The following MAP4 variants were observed in gnomAD, a reference collection of about 807,000 sequenced individuals.
MAP4 encodes microtubule-associated protein 4.
MAP4 carries 76 observed loss-of-function variants against 170.2 expected under a neutral mutation model. The observed-to-expected ratio is 0.45, with a 90% CI of 0.37 to 0.54. The LOEUF is 0.54. MAP4 is among the 20% of genes least tolerant of loss of function. The probability of loss-of-function intolerance (pLI) is 0.00; values close to 1 mark genes in which losing one functional copy is unlikely to be tolerated. For missense variants in MAP4, 2,506 were observed against 2,748.0 expected (o/e 0.91, Z 1.97); for synonymous variants, 909 against 994.5 (o/e 0.91, Z 1.62).
At chr3:47,856,833 C>T (rs1398992107) in intron 18 of MAP4, among the ~76,000 whole-genome samples, 1 of 152,254 alleles carries the variant, frequency 6.6e-6, no homozygotes, top group Admixed American at 6.5e-5. Flanking sequence ...GTCCTACTCA[C>T]AAATCTGCTG....
At chr3:47,922,595 C>T (rs755372176) in intron 4 of MAP4, among the ~76,000 whole-genome samples, 1 of 151,656 alleles carries the variant, frequency 6.6e-6, no homozygotes, top group Non-Finnish European at 1.5e-5. Flanking sequence ...TAATTTTTCA[C>T]CTCATGTGGA....
At chr3:47,963,980 T>C (rs2100073268) in intron 3 of MAP4, among the ~76,000 whole-genome samples, 1 of 152,224 alleles carries the variant, frequency 6.6e-6, no homozygotes, top group African/African-American at 2.4e-5. Context: ...AGAAAACTGC[T>C]AGTGCTCAGA....
intron 3 of MAP4, among the ~76,000 whole-genome samples, chr3:47,961,273 C>T (rs1022715428): frequency 5.3e-5 from 8 of 152,086 alleles, no homozygotes; most frequent in East Asian, 1.9e-4. Context: ...AGGCTGAGGC[C>T]GGAGGATTGC....
chr3:47,894,588 AT>A (rs2100025804), intron 10 of MAP4, among the ~76,000 whole-genome samples: 1 of 136,468 alleles, frequency 7.3e-6, no homozygotes, highest in African/African-American at 2.4e-5. Flanking sequence ...GTCTCAAAAA[AT>A]AAAAAAAAAA....
rs985079738 is a variant in MAP4, at chr3:47,938,695, T to C, written c.293-10345A>G. 4.6e-5 allele frequency among the ~76,000 whole-genome samples: 7 copies of C among 152,330 alleles called. No homozygotes were observed. In the East Asian group the frequency reaches 1.4e-3, roughly 29 times the overall value. On this transcript the variant is annotated intron_variant, in intron 3 of 20. Transcript: ENST00000683076. ...CTCTATACCAGGCCCATATTTGAGT[T>C]CTTAACCCTGGCTTTGCCACAGGCT... is the stretch of plus-strand genomic sequence containing the variant.
At chr3:47,877,588 C>A (rs1285203736) in intron 10 of MAP4, 65 bp from the exon 11 acceptor site, 19 of 1,105,248 alleles carry the variant, frequency 1.7e-5, no homozygotes, top group East Asian at 2.4e-5. Context: ...TTTGAAAATA[C>A]AAGGTTTAGC....
intron 9 of MAP4, among the ~76,000 whole-genome samples, chr3:47,903,236 TAAG>T (rs1428161760): frequency 6.6e-6 from 1 of 152,160 alleles, no homozygotes; most frequent in African/African-American, 2.4e-5. Context: ...CACAATCCCA[TAAG>T]AAGTCCTTTT....
chr3:47,931,320 G>A (rs2100049669), intron 3 of MAP4, among the ~76,000 whole-genome samples: 1 of 152,146 alleles, frequency 6.6e-6, no homozygotes, highest in Admixed American at 6.5e-5. Flanking sequence ...AGTCGAGGCT[G>A]CAGTCACCTG....
At chr3:47,856,519 C>T (rs149474884) in intron 18 of MAP4, among the ~76,000 whole-genome samples, 418 of 151,742 alleles carry the variant, frequency 2.8e-3, no homozygotes, top group Non-Finnish European at 4.5e-3. Context: ...CAGTGCCATA[C>T]TCTCGCCTCA....
At chr3:47,893,315 C>T (rs150187327) in intron 10 of MAP4, among the ~76,000 whole-genome samples, 3 of 152,292 alleles carry the variant, frequency 2.0e-5, no homozygotes, top group East Asian at 3.9e-4. Flanking sequence ...CCTGTCCCTG[C>T]CCCCACTTGG....
At chr3:48,057,544 T>A (rs2100132844) in intron 1 of MAP4, among the ~76,000 whole-genome samples, 1 of 132,714 alleles carries the variant, frequency 7.5e-6, no homozygotes, top group East Asian at 2.1e-4. Flanking sequence ...TGACCTTCCC[T>A]CCACTATTGT....
At chr3:47,930,121 A>G (rs1480747452) in intron 3 of MAP4, among the ~76,000 whole-genome samples, 1 of 151,926 alleles carries the variant, frequency 6.6e-6, no homozygotes, top group African/African-American at 2.4e-5. Flanking sequence ...ACAGAGTGAG[A>G]CTGCGTCTCA....
intron 1 of MAP4, 77 bp from the exon 2 acceptor site, chr3:47,998,956 G>T (rs372657112): frequency 1.2e-6 from 1 of 827,428 alleles, no homozygotes; most frequent in Non-Finnish European, 2.0e-6. Context: ...CTTGTCAATT[G>T]TTTGAAACAA....
chr3:48,076,409 G>A (rs1559909539), intron 1 of MAP4, among the ~76,000 whole-genome samples: 1 of 151,874 alleles, frequency 6.6e-6, no homozygotes, highest in East Asian at 1.9e-4. Flanking sequence ...GGCTGAGGCA[G>A]GAGAATGGCA....
intron 3 of MAP4, among the ~76,000 whole-genome samples, chr3:47,963,512 A>T (rs1321002203): frequency 6.6e-6 from 1 of 152,240 alleles, no homozygotes; most frequent in East Asian, 1.9e-4. Context: ...ATTTAAACAA[A>T]TTCATGACAG....
intron 19 of MAP4, among the ~76,000 whole-genome samples, chr3:47,854,220 G>A (rs1049011737): frequency 2.0e-5 from 3 of 152,338 alleles, no homozygotes; most frequent in East Asian, 1.9e-4. Context: ...GTCCACGCTC[G>A]CTCGCTGTGT....
At chr3:48,066,400 C>A (rs1413832072) in intron 1 of MAP4, among the ~76,000 whole-genome samples, 1 of 152,134 alleles carries the variant, frequency 6.6e-6, no homozygotes, top group African/African-American at 2.4e-5. Context: ...AAATCTAATG[C>A]CTATTCCACT....
chr3:47,912,612 C>T (rs549769178), intron 8 of MAP4, among the ~76,000 whole-genome samples, 191 bp from the exon 9 acceptor site: 4 of 152,142 alleles, frequency 2.6e-5, no homozygotes, highest in Non-Finnish European at 5.9e-5. Flanking sequence ...TTAACTGGCG[C>T]TAGCAAAAAT....
intron 1 of MAP4, among the ~76,000 whole-genome samples, chr3:48,029,340 G>T (rs1269958574): frequency 1.3e-5 from 2 of 151,964 alleles, no homozygotes; most frequent in Non-Finnish European, 2.9e-5. Flanking sequence ...CGGGAGGCTG[G>T]CATGAGAATG....
Sources: gnomAD v4.1 joint callset for allele counts (sites outside exome capture counted in the v4.1 genomes callset) on GRCh38, gnomAD v4.1.1 for gene constraint, MANE v1.5 for transcripts, NCBI Gene and HGNC (gene_info 2026-07-23, HGNC 2026-07-21) for gene names.